Variants in HACL1 observed in about 807,000 individuals in gnomAD.
HACL1 encodes 2-hydroxyacyl-CoA lyase 1.
In HACL1, 64 loss-of-function variants were observed where a neutral mutation model predicts 74.2. The observed-to-expected ratio is 0.86, with a 90% CI of 0.70 to 1.06. The LOEUF is 1.06. HACL1 is among the 50% of genes least tolerant of loss of function. The pLI, the probability that HACL1 is intolerant of heterozygous loss-of-function variation, is 0.00. For missense variants in HACL1, 728 were observed against 719.7 expected (o/e 1.01, Z -0.13); for synonymous variants, 230 against 238.8 (o/e 0.96, Z 0.34).
intron 3 of HACL1, among the ~76,000 whole-genome samples, 156 bp from the exon 4 acceptor site, chr3:15,591,836 AAAC>A (rs1394846669): frequency 1.3e-5 from 2 of 151,714 alleles, no homozygotes; most frequent in Non-Finnish European, 2.9e-5. Context: ...TTTAATTAAA[AAAC>A]AAGGCGATAT....
At chr3:15,593,142 TATACACAC>T (rs545802591) in intron 3 of HACL1, among the ~76,000 whole-genome samples, 197 of 149,108 alleles carry the variant, frequency 1.3e-3, no homozygotes, top group Non-Finnish European at 2.4e-3. Flanking sequence ...TATATGTATA[TATACACAC>T]ATACACACAT....
At chr3:15,584,970 G>A (rs78617088) in intron 7 of HACL1, among the ~76,000 whole-genome samples, 1,554 of 152,224 alleles carry the variant, frequency 0.01, 26 homozygotes, top group African/African-American at 0.035. Flanking sequence ...TTACATTAAC[G>A]AGGGATGTAT....
At chr3:15,588,576 C>G (rs1238325508) in intron 5 of HACL1, among the ~76,000 whole-genome samples, 1 of 151,546 alleles carries the variant, frequency 6.6e-6, no homozygotes, top group East Asian at 1.9e-4. Context: ...TTGGGCAACA[C>G]AGCCATATCC....
chr3:15,560,950 T>C (rs1574900593), intron 16 of HACL1, 53 bp from the exon 17 acceptor site: 2 of 1,278,310 alleles, frequency 1.6e-6, no homozygotes, highest in East Asian at 4.6e-5. Context: ...TGTCTCAAAT[T>C]ATATCCTCAT....
intron 7 of HACL1, among the ~76,000 whole-genome samples, chr3:15,583,769 T>A (rs892260742): frequency 3.3e-5 from 5 of 152,024 alleles, no homozygotes; most frequent in Non-Finnish European, 7.4e-5. Flanking sequence ...GCGATTCTCC[T>A]GCCTCAGCCT....
rs2064217463 is a variant in HACL1 at position 15,601,099 on chromosome 3, A to G, written c.177T>C (p.Asn59=). 1 of 1,609,570 alleles carries G rather than the reference A, an allele frequency of 6.2e-7. No individual in the cohort carries two copies. Among genetic ancestry groups the G allele is most frequent in the Non-Finnish European group, 8.5e-7 (1 of 1,175,792 alleles). The part of the protein sequence containing the change: ...QLGIKYIGMR[N]EQAACYAASA... ...CTGAGTCCATACTCACCGCTTGCTC[A>G]TTCCTCATCCCGATGTACTTGATGC... The change falls in exon 2 of 17, where the codon AAT becomes AAC. Residue 59 remains asparagine, a synonymous_variant. Transcript: ENST00000321169.
chr3:15,581,093 G>A (rs916029062), intron 8 of HACL1, among the ~76,000 whole-genome samples: 3 of 152,154 alleles, frequency 2.0e-5, no homozygotes, highest in Admixed American at 6.5e-5. Flanking sequence ...GTAGAGACAG[G>A]GTTTCACCAT....
chr3:15,595,524 T>C (rs1184501474), intron 3 of HACL1, among the ~76,000 whole-genome samples: 1 of 151,210 alleles, frequency 6.6e-6, no homozygotes, highest in Non-Finnish European at 1.5e-5. Flanking sequence ...AAAAAATACA[T>C]AGATAAGGGA....
chr3:15,585,302 T>C lies in HACL1; in HGVS notation c.500A>G (p.Tyr167Cys), dbSNP rs535708417. 4 of 1,606,380 alleles carry C rather than the reference T, an allele frequency of 2.5e-6. No homozygotes were observed. The highest frequency in any genetic ancestry group is 1.1e-5 in the South Asian group (1 of 90,912). ...SSIYGRPGACYVDIPADFVNL... is the reference protein window; with the variant it reads ...SSIYGRPGACCVDIPADFVNL... ...CACAAAATCTGCTGGTATGTCAACA[T>C]AGCAAGCACCTGGACGACCATAGAT... The change falls in exon 7 of 17, where the codon TAT becomes TGT. Residue 167 changes from tyrosine to cysteine, a missense_variant. Tyr to Cys is a radical substitution (Grantham distance 194, BLOSUM62 -2). Transcript: ENST00000321169.
chr3:15,599,576 T>A (rs753456546), intron 2 of HACL1, among the ~76,000 whole-genome samples: 3 of 151,836 alleles, frequency 2.0e-5, no homozygotes, highest in Non-Finnish European at 4.4e-5. Context: ...TACCTACCAG[T>A]CTCACAGCTC....
chr3:15,591,378 T>C (rs1010080835), intron 4 of HACL1, among the ~76,000 whole-genome samples: 10 of 152,126 alleles, frequency 6.6e-5, no homozygotes, highest in African/African-American at 2.2e-4. Context: ...TCTCCAGGCT[T>C]TATCGTACTT....
chr3:15,579,286 A>G (rs537170524), intron 9 of HACL1, among the ~76,000 whole-genome samples: 118 of 152,364 alleles, frequency 7.7e-4, no homozygotes, highest in African/African-American at 2.6e-3. Flanking sequence ...ATAGATGCCA[A>G]TCTGAGATGA....
chr3:15,601,264 C>T lies in HACL1; in HGVS notation c.82-70G>A, dbSNP rs2064224123. ...TATCGCCACATCCTTCCCTCCCTCC[C>T]GGGCGCTAAAAGGAAAACCCCCCGA... On this transcript the variant is annotated intron_variant, in intron 1 of 16. Transcript: ENST00000321169. The T allele has an allele frequency of 7.8e-6, 12 of 1,545,552 alleles. No homozygotes were observed. In the South Asian group the frequency reaches 1.1e-4, roughly 14 times the overall value.
At chr3:15,579,770 A>G in intron 9 of HACL1, 140 bp downstream of exon 9, 1 of 633,232 alleles carries the variant, frequency 1.6e-6, no homozygotes, top group East Asian at 2.8e-5. Flanking sequence ...TGAAAGCCAG[A>G]AGATAGTCCA....
intron 7 of HACL1, among the ~76,000 whole-genome samples, chr3:15,583,716 G>A (rs116609935): frequency 0.02 from 2,972 of 150,568 alleles, 103 homozygotes; most frequent in African/African-American, 0.069. Flanking sequence ...TAAGTGCAGC[G>A]GTGCGAACTT....
intron 12 of HACL1, among the ~76,000 whole-genome samples, chr3:15,570,701 A>G (rs1016966719): frequency 6.6e-6 from 1 of 152,022 alleles, no homozygotes; most frequent in African/African-American, 2.4e-5. Flanking sequence ...TTTTAGTGCT[A>G]GTAGTAGACA....
In HACL1 at chr3:15,577,957, GT is replaced by G. The variant is rs2063654411; in HGVS notation, c.803+1952del. On this transcript the variant is annotated intron_variant, in intron 9 of 16. Transcript: ENST00000321169. ...ACTAAAAATACAAAAAATTAGCCGG[GT>G]GTGGTGGCAGGCGCCTGTAGTCCCA... Among the ~76,000 whole-genome samples, 5 of 151,938 alleles carry G rather than the reference GT, an allele frequency of 3.3e-5. No individual in the cohort carries two copies. In the South Asian group the frequency reaches 1.0e-3, roughly 32 times the overall value.
chr3:15,572,552 A>C (rs1184411221), intron 11 of HACL1, among the ~76,000 whole-genome samples: 1 of 152,254 alleles, frequency 6.6e-6, no homozygotes, highest in Admixed American at 6.5e-5. Flanking sequence ...TATGGTACAG[A>C]CCAAATGCTC....
intron 2 of HACL1, among the ~76,000 whole-genome samples, chr3:15,600,547 AT>A (rs1385102927): frequency 2.2e-4 from 33 of 152,336 alleles, no homozygotes; most frequent in Non-Finnish European, 2.5e-4. Flanking sequence ...TCAGGCTAGG[AT>A]CTGAGCCATC....
Sources: gnomAD v4.1 joint callset for allele counts (sites outside exome capture counted in the v4.1 genomes callset) on GRCh38, gnomAD v4.1.1 for gene constraint, MANE v1.5 for transcripts, NCBI Gene and HGNC (gene_info 2026-07-23, HGNC 2026-07-21) for gene names.